LRP2: variants seen among roughly 807,000 people sequenced by gnomAD.
LRP2 encodes LDL receptor related protein 2, also known as low-density lipoprotein receptor-related protein 2.
LRP2 carries 172 observed loss-of-function variants against 531.0 expected under a neutral mutation model. The observed-to-expected ratio is 0.32, with a 90% CI of 0.29 to 0.37. The LOEUF (loss-of-function observed/expected upper bound fraction) is 0.37, where lower values mean the gene tolerates loss of function less well. Among genes scored for constraint, LRP2 ranks in the 10% least tolerant of loss-of-function variants. The pLI is 1.00. For synonymous variants in LRP2, 1,992 were observed against 2,027.6 expected (o/e 0.98, Z 0.47); for missense variants, 5,167 against 5,868.3 (o/e 0.88, Z 3.90).
chr2:169,171,942 G>C, intron 58 of LRP2, 73 bp downstream of exon 58: 2 of 1,588,080 alleles, frequency 1.3e-6, no homozygotes, highest in Non-Finnish European at 1.7e-6. Flanking sequence ...GACATAGACA[G>C]TTGAATTATG....
At chr2:169,133,609 A>G (rs1383025702) in intron 76 of LRP2, among the ~76,000 whole-genome samples, 1 of 152,226 alleles carries the variant, frequency 6.6e-6, no homozygotes, top group Non-Finnish European at 1.5e-5. Flanking sequence ...AGGTGTTAAC[A>G]ATGACAGTTA....
chr2:169,259,728 A>C (rs1187444180), intron 16 of LRP2, among the ~76,000 whole-genome samples: 1 of 96,866 alleles, frequency 1.0e-5, no homozygotes, highest in Non-Finnish European at 2.1e-5. Context: ...ATCAGAACTG[A>C]TTAAAAACAA....
chr2:169,292,884 G>A (rs568560736), intron 6 of LRP2, among the ~76,000 whole-genome samples: 7 of 151,188 alleles, frequency 4.6e-5, no homozygotes, highest in South Asian at 4.2e-4. Flanking sequence ...TTTGCAATGC[G>A]TTGGCACAGA....
chr2:169,284,510 G>GC lies in LRP2; in HGVS notation c.1043-1510dup, dbSNP rs1341749919. 2.0e-5 allele frequency among the ~76,000 whole-genome samples: 3 copies of GC among 152,004 alleles called. No individual in the cohort carries two copies. In the East Asian group the frequency reaches 5.8e-4, roughly 29 times the overall value. ...TCAAACTCCTGATCTCAAGTAAGCA[G>GC]CTTGCCTTGGCCTCCCAAAGTGATG... On this transcript the variant is annotated intron_variant, in intron 9 of 78. Transcript: ENST00000649046.
At chr2:169,328,237 TGGGGGGGTC>T (rs1685165376) in intron 1 of LRP2, among the ~76,000 whole-genome samples, 1 of 72,776 alleles carries the variant, frequency 1.4e-5, no homozygotes, top group South Asian at 4.6e-4. Flanking sequence ...GGGAGGGAGG[TGGGGGGGTC>T]AGCGCCCCGC....
intron 16 of LRP2, among the ~76,000 whole-genome samples, chr2:169,262,924 C>T (rs1019426749): frequency 6.6e-6 from 1 of 152,012 alleles, no homozygotes; most frequent in Non-Finnish European, 1.5e-5. Context: ...CAGAACAGAG[C>T]CCTCAGAAAT....
intron 58 of LRP2, among the ~76,000 whole-genome samples, chr2:169,171,317 T>C (rs905219222): frequency 2.6e-5 from 4 of 152,108 alleles, no homozygotes; most frequent in African/African-American, 9.7e-5. Flanking sequence ...TTGACGCATA[T>C]CATGGGTCAG....
chr2:169,238,204 C>T lies in LRP2; in HGVS notation c.4393G>A (p.Gly1465Ser), dbSNP rs750356518. Residue 1465 changes from glycine (G) to serine (S), a missense_variant, in exon 27 of 79, where the codon GGT (glycine) becomes AGT (serine). Transcript: ENST00000649046. Reference protein sequence around the residue: ...VHNIYSLVENGSYIVAVDFDS... With the variant: ...VHNIYSLVENSSYIVAVDFDS... The stretch of plus-strand genomic sequence containing the variant: ...AAATCAACAGCTACAATGTAAGAAC[C>T]ATTCTCGACCAATGAATAGATATTG... The T allele has an allele frequency of 6.2e-7, 1 of 1,614,094 alleles. No individual in the cohort carries two copies. The highest frequency in any genetic ancestry group is 1.7e-5 in the Admixed American group (1 of 60,024).
rs768558916 is a variant in LRP2, at chr2:169,259,013, G to T, written c.2513+12C>A. On this transcript the variant is annotated intron_variant, in intron 17 of 78. Coordinates refer to ENST00000649046, the MANE Select transcript of LRP2 (RefSeq NM_004525.3). ...CAGTTTCAAGCTCTTAGGAAAACAT[G>T]AACACACTTACCCGGCAAAAGGATG... 5.0e-6 allele frequency: 8 copies of T among 1,612,432 alleles called. No individual in the cohort carries two copies. Among genetic ancestry groups the T allele is most frequent in the Non-Finnish European group, 6.8e-6 (8 of 1,178,884 alleles).
rs1166921998 is a variant in LRP2 at position 169,282,929 on chromosome 2, T to C, written c.1115A>G (p.His372Arg). The part of the protein sequence containing the change: ...CESRPGRHLC[H>R]CEEGYILERG... ...CTCCAAGATATACCCTTCTTCACAG[T>C]GGCACAGGTGACGGCCAGGTCGGCT... The change falls in exon 10 of 79, where the codon CAC becomes CGC. Residue 372 changes from histidine (H) to arginine (R), a missense_variant. Around this residue, in one of 6 missense-constraint regions of LRP2, gnomAD observed 2,811 missense variants for 3,058.0 expected, o/e 0.92. Coordinates refer to ENST00000649046, the MANE Select transcript of LRP2 (RefSeq NM_004525.3). The C allele has an allele frequency of 6.2e-7, 1 of 1,613,994 alleles. No homozygotes were observed. The highest frequency in any genetic ancestry group is 8.5e-7 in the Non-Finnish European group (1 of 1,179,846).
intron 4 of LRP2, among the ~76,000 whole-genome samples, chr2:169,302,306 A>G (rs568867044): frequency 6.6e-6 from 1 of 152,304 alleles, no homozygotes; most frequent in East Asian, 1.9e-4. Context: ...ATGGCTACTC[A>G]CATCACAGAC....
At chr2:169,258,697 T>C (rs1306221669) in intron 17 of LRP2, among the ~76,000 whole-genome samples, 1 of 152,122 alleles carries the variant, frequency 6.6e-6, no homozygotes. Context: ...TTTGGGTCTT[T>C]CCTGTTAATT....
chr2:169,264,447 A>C (rs1690710150), intron 16 of LRP2, among the ~76,000 whole-genome samples: 2 of 152,004 alleles, frequency 1.3e-5, no homozygotes. Flanking sequence ...GCTCGACTGC[A>C]GTGCTCCAAG....
intron 36 of LRP2, 59 bp downstream of exon 36, chr2:169,213,598 G>C: frequency 7.5e-7 from 1 of 1,330,654 alleles, no homozygotes; most frequent in Non-Finnish European, 1.1e-6. Context: ...TTACAAATGT[G>C]AGTTATGTGT....
At chr2:169,181,110 G>A (rs1332595139) in intron 52 of LRP2, among the ~76,000 whole-genome samples, 1 of 151,962 alleles carries the variant, frequency 6.6e-6, no homozygotes, top group African/African-American at 2.4e-5. Context: ...TTTCATAGGG[G>A]AGAGCAAATT....
intron 1 of LRP2, among the ~76,000 whole-genome samples, chr2:169,330,477 G>A (rs982457210): frequency 2.0e-5 from 3 of 151,980 alleles, no homozygotes; most frequent in Non-Finnish European, 2.9e-5. Context: ...CTCCCCCAAG[G>A]CTCTTACATC....
At chr2:169,146,605 G>A in intron 69 of LRP2, 134 bp downstream of exon 69, 1 of 666,154 alleles carries the variant, frequency 1.5e-6, no homozygotes, top group Admixed American at 2.4e-5. Flanking sequence ...AGTTGGTGGG[G>A]GTGGAGGGGT....
intron 16 of LRP2, among the ~76,000 whole-genome samples, chr2:169,262,839 C>A (rs138822865): frequency 0.054 from 8,255 of 152,194 alleles, 419 homozygotes; most frequent in Admixed American, 0.17. Flanking sequence ...TACCTGACTT[C>A]AAACTATCCT....
intron 44 of LRP2, among the ~76,000 whole-genome samples, chr2:169,200,434 T>G (rs541245563): frequency 6.6e-6 from 1 of 152,010 alleles, no homozygotes; most frequent in African/African-American, 2.4e-5. Context: ...GGACAGGAAA[T>G]ATAAGACAAG....
Sources: gnomAD v4.1 joint callset for allele counts (sites outside exome capture counted in the v4.1 genomes callset) on GRCh38, gnomAD v4.1.1 for gene constraint, gnomAD v4.1.1 regional missense constraint, MANE v1.5 for transcripts, NCBI Gene and HGNC (gene_info 2026-07-23, HGNC 2026-07-21) for gene names.